DNAJC16: variants seen among roughly 807,000 people sequenced by gnomAD.
DNAJC16 encodes dnaJ homolog subfamily C member 16.
Under a neutral mutation model 92.7 loss-of-function variants are expected in DNAJC16, and 76 were observed. The observed-to-expected ratio is 0.82, with a 90% confidence interval of 0.68 to 0.99. The LOEUF is 0.99. Ranked by LOEUF, DNAJC16 falls within the 50% of genes least tolerant of loss-of-function variation. The pLI is 0.00. For synonymous variants in DNAJC16, 328 were observed against 358.7 expected (o/e 0.91, Z 0.97); for missense variants, 869 against 942.4 (o/e 0.92, Z 1.02).
At chr1:15,545,757 G>A (rs915250982) in intron 5 of DNAJC16, among the ~76,000 whole-genome samples, 25 of 152,242 alleles carry the variant, frequency 1.6e-4, no homozygotes, top group African/African-American at 5.3e-4. Flanking sequence ...TGGAGCCGTT[G>A]TAGGGGTTTG....
chr1:15,542,504 T>A (rs1710955837), intron 4 of DNAJC16, among the ~76,000 whole-genome samples: 1 of 152,166 alleles, frequency 6.6e-6, no homozygotes, highest in Non-Finnish European at 1.5e-5. Context: ...ATATCCCTTA[T>A]ACCTAATGAG....
In DNAJC16 at chr1:15,569,521, G is replaced by A. The variant is rs752764097; in HGVS notation, c.*1344G>A. On this transcript the variant is annotated 3_prime_UTR_variant, in exon 15 of 15. Coordinates refer to ENST00000375847, the MANE Select transcript of DNAJC16 (RefSeq NM_015291.4). Reference sequence around the variant, plus strand: ...AGGGCAGAATGACCAGTGGTTCTGAGTTTGAGTTTGGACAGCTTCAAAGAG... The same window carrying A: ...AGGGCAGAATGACCAGTGGTTCTGAATTTGAGTTTGGACAGCTTCAAAGAG... The A allele has an allele frequency of 2.0e-5, 3 of 151,912 alleles. No homozygotes were observed. The highest frequency in any genetic ancestry group is 4.4e-5 in the Non-Finnish European group (3 of 67,978). The allele number at this position is 151,912 out of a possible 1,614,324, so 9.4% of individuals were successfully genotyped here.
intron 7 of DNAJC16, among the ~76,000 whole-genome samples, chr1:15,549,797 G>A (rs1237488519): frequency 1.0e-4 from 13 of 130,028 alleles, no homozygotes; most frequent in African/African-American, 2.7e-4. Flanking sequence ...CAGCCTGGGC[G>A]ACAGAGCAAG....
At chr1:15,562,782 T>C (rs1235171263) in intron 9 of DNAJC16, among the ~76,000 whole-genome samples, 1 of 151,832 alleles carries the variant, frequency 6.6e-6, no homozygotes. Context: ...GCTCCTGGCC[T>C]AAAGCCTACT....
chr1:15,545,643 T>C (rs1638283989), intron 5 of DNAJC16, among the ~76,000 whole-genome samples: 2 of 152,158 alleles, frequency 1.3e-5, no homozygotes, highest in Non-Finnish European at 2.9e-5. Flanking sequence ...AAGTTTTCAC[T>C]GGTGAGCAGC....
At chr1:15,544,967 A>C (rs1158195718) in intron 5 of DNAJC16, among the ~76,000 whole-genome samples, 1 of 152,210 alleles carries the variant, frequency 6.6e-6, no homozygotes, top group Non-Finnish European at 1.5e-5. Flanking sequence ...ATTTGTCTTT[A>C]TGCAAATTTA....
rs1395636005 is a variant in DNAJC16 at position 15,563,681 on chromosome 1, A to T, written c.1339-248A>T. Among the ~76,000 whole-genome samples, 205 of 149,264 alleles carry T rather than the reference A, an allele frequency of 1.4e-3. 6 individuals carry two copies. Among genetic ancestry groups the T allele is most frequent in the African/African-American group, 5.0e-3 (202 of 40,266 alleles). On this transcript the variant is annotated intron_variant, in intron 9 of 14. Coordinates refer to ENST00000375847, the MANE Select transcript of DNAJC16 (RefSeq NM_015291.4). The stretch of plus-strand genomic sequence containing the variant: ...TCTCTACTAAAAAAAAAAAAAAAAA[A>T]AAAAAAAAATACCAAAAATTAGCCA...
rs1441251723 is a variant in DNAJC16 at position 15,571,010 on chromosome 1, T to G, written c.*2833T>G. On this transcript the variant is annotated 3_prime_UTR_variant, in exon 15 of 15. Coordinates refer to ENST00000375847, the MANE Select transcript of DNAJC16 (RefSeq NM_015291.4). ...AAGTCTTTGCAGAATACATGCCAAT[T>G]TCCAAAAAAAAAAAAAAATTTGTTG... 7.3e-6 allele frequency: 1 copy of G among 137,024 alleles called. No individual in the cohort carries two copies. Among genetic ancestry groups the G allele is most frequent in the Non-Finnish European group, 1.6e-5 (1 of 62,028 alleles). 8.5% of individuals were successfully genotyped at this position (137,024 alleles called of 1,614,324 possible).
intron 6 of DNAJC16, 35 bp from the exon 7 acceptor site, chr1:15,548,235 G>C (rs752260575): frequency 7.5e-6 from 12 of 1,605,824 alleles, no homozygotes; most frequent in Admixed American, 1.7e-5. Flanking sequence ...CTTTGCTGTA[G>C]TTTTATTTTC....
Position 15,568,103 on chromosome 1 carries a change from T to C in DNAJC16, c.2275T>C (p.Ser759Pro). 4 of 1,614,192 alleles carry C rather than the reference T, an allele frequency of 2.5e-6. No individual in the cohort carries two copies. Among genetic ancestry groups the C allele is most frequent in the Non-Finnish European group, 3.4e-6 (4 of 1,180,038 alleles). ...RPIKGKLSKLSLWMERLLEGS... is the reference protein window; with the variant it reads ...RPIKGKLSKLPLWMERLLEGS... ...CATCAAAGGAAAGTTGAGCAAGCTC[T>C]CTTTATGGATGGAACGCCTGCTGGA... Residue 759 changes from serine (S) to proline (P), a missense_variant, in exon 15 of 15, where the codon TCT becomes CCT. Physicochemically the swap from Ser to Pro is moderately conservative, Grantham distance 74 (BLOSUM62 -1). Coordinates refer to ENST00000375847, the MANE Select transcript of DNAJC16 (RefSeq NM_015291.4).
intron 7 of DNAJC16, among the ~76,000 whole-genome samples, chr1:15,549,350 C>T (rs1362253852): frequency 6.6e-5 from 10 of 152,138 alleles, no homozygotes; most frequent in Non-Finnish European, 1.3e-4. Context: ...GGGATAGAAA[C>T]TGGTGTATCA....
At chr1:15,551,249 G>T (rs1638436790) in intron 7 of DNAJC16, among the ~76,000 whole-genome samples, 1 of 152,198 alleles carries the variant, frequency 6.6e-6, no homozygotes, top group Admixed American at 6.5e-5. Flanking sequence ...CTTTTTGATG[G>T]ATTTAATATT....
At chr1:15,566,418 T>G (rs1332187395) in intron 13 of DNAJC16, 6 of 517,924 alleles carry the variant, frequency 1.2e-5, no homozygotes, top group Middle Eastern at 5.2e-4. Flanking sequence ...CAGGCAAGTG[T>G]TAGGTGAGCC....
intron 7 of DNAJC16, among the ~76,000 whole-genome samples, chr1:15,555,834 A>T (rs1638557222): frequency 6.6e-6 from 1 of 151,794 alleles, no homozygotes; most frequent in African/African-American, 2.4e-5. Flanking sequence ...TCTACTAAAA[A>T]TACAAAATTA....
chr1:15,535,171 CACTAG>C (rs1710751316), intron 3 of DNAJC16, among the ~76,000 whole-genome samples: 1 of 152,216 alleles, frequency 6.6e-6, no homozygotes. Context: ...ACAGACAAGG[CACTAG>C]ACTATAGCTA....
intron 2 of DNAJC16, among the ~76,000 whole-genome samples, chr1:15,533,697 A>G (rs1710714824): frequency 6.6e-6 from 1 of 152,218 alleles, no homozygotes; most frequent in Non-Finnish European, 1.5e-5. Flanking sequence ...AATCGTAATA[A>G]TAACGAAAAA....
chr1:15,534,412 T>C, intron 3 of DNAJC16, 109 bp downstream of exon 3: 2 of 1,134,204 alleles, frequency 1.8e-6, no homozygotes, highest in Non-Finnish European at 2.5e-6. Context: ...ATGCCCTTGA[T>C]GCAGTTTCTA....
At chr1:15,535,508 G>A (rs543273120) in intron 3 of DNAJC16, among the ~76,000 whole-genome samples, 6 of 152,254 alleles carry the variant, frequency 3.9e-5, no homozygotes, top group Admixed American at 1.3e-4. Context: ...CCCAGCACTT[G>A]GGGAGGCTGA....
chr1:15,561,083 T>C (rs1378130782), intron 8 of DNAJC16, among the ~76,000 whole-genome samples: 1 of 151,924 alleles, frequency 6.6e-6, no homozygotes, highest in Non-Finnish European at 1.5e-5. Flanking sequence ...CTACCCACTC[T>C]GGCCTCTCTC....
Sources: allele counts gnomAD v4.1 joint callset (sites outside exome capture counted in the v4.1 genomes callset), GRCh38; gene constraint gnomAD v4.1.1; transcripts MANE v1.5; gene names NCBI Gene and HGNC (gene_info 2026-07-23, HGNC 2026-07-21).